Variants in PRKD2 observed in about 807,000 individuals in gnomAD.
PRKD2 encodes serine/threonine-protein kinase D2.
Under a neutral mutation model 86.0 loss-of-function variants are expected in PRKD2, and 22 were observed. The ratio of observed to expected loss-of-function variants is 0.26; its 90% CI spans 0.18 to 0.37. The LOEUF (loss-of-function observed/expected upper bound fraction) is 0.37. PRKD2 is among the 10% of genes least tolerant of loss of function. PRKD2 has a pLI of 1.00. For synonymous variants in PRKD2, 509 were observed against 510.9 expected (o/e 1.00, Z 0.05); for missense variants, 818 against 1,199.2 (o/e 0.68, Z 4.70).
intron 7 of PRKD2, among the ~76,000 whole-genome samples, chr19:46,699,678 T>G (rs1188652381): frequency 1.3e-5 from 2 of 152,196 alleles, no homozygotes; most frequent in African/African-American, 4.8e-5. Context: ...GTGCCTGATC[T>G]GAGCCAGTCC....
At chr19:46,684,982 C>T (rs1035470207) in intron 14 of PRKD2, among the ~76,000 whole-genome samples, 13 of 147,716 alleles carry the variant, frequency 8.8e-5, no homozygotes, top group East Asian at 4.0e-4. Context: ...AAACATTGGC[C>T]GGATATGGTG....
intron 15 of PRKD2, among the ~76,000 whole-genome samples, chr19:46,679,883 C>T (rs551108852): frequency 5.9e-5 from 9 of 152,294 alleles, no homozygotes; most frequent in African/African-American, 2.2e-4. Context: ...CCTCAGCCTC[C>T]CAAAGTGCTG....
intron 14 of PRKD2, among the ~76,000 whole-genome samples, chr19:46,683,654 G>A (rs2053349288): frequency 6.6e-6 from 1 of 151,998 alleles, no homozygotes; most frequent in Non-Finnish European, 1.5e-5. Flanking sequence ...AGAGGTGGAG[G>A]TTGCAGTGAG....
chr19:46,692,244 T>C (rs2053494179), intron 10 of PRKD2, among the ~76,000 whole-genome samples: 1 of 151,922 alleles, frequency 6.6e-6, no homozygotes, highest in Non-Finnish European at 1.5e-5. Flanking sequence ...AGGAGTGATG[T>C]TACAGATGAT....
At chr19:46,713,807 C>G (rs2053842848) in intron 2 of PRKD2, 56 bp downstream of exon 2, 3 of 1,260,172 alleles carry the variant, frequency 2.4e-6, no homozygotes, top group Non-Finnish European at 3.2e-6. Context: ...CTCTCCTCCC[C>G]CAGATGCCCC....
At position 46,716,416 on chromosome 19, in the gene PRKD2, GCCGGGGGGCC is replaced by G. The variant is rs1599847487; in HGVS notation, c.-56_-47del. 7.9e-7 allele frequency: 1 copy of G among 1,264,776 alleles called. No homozygotes were observed. The highest frequency in any genetic ancestry group is 1.0e-6 in the Non-Finnish European group (1 of 964,926). The allele number at this position is 1,264,776 out of a possible 1,614,324, so 78.3% of individuals were successfully genotyped here. On this transcript the variant is annotated 5_prime_UTR_variant, in exon 1 of 18. Coordinates refer to ENST00000291281, the MANE Select transcript of PRKD2 (RefSeq NM_016457.5). This position sits in a 1 kb window ranked among gnomAD's most constrained non-coding sequence, Gnocchi z 7.9. ...CCGCCTGGAGCCCACCCGGGACCCGGCCGGGGGGCCCCGGGGGACCCTGGGTTCTAGATCC... is the reference window on the plus strand; with the variant it reads ...CCGCCTGGAGCCCACCCGGGACCCGGCCGGGGGACCCTGGGTTCTAGATCC...
At chr19:46,695,251 C>CA (rs1361192967) in intron 9 of PRKD2, among the ~76,000 whole-genome samples, 1 of 152,088 alleles carries the variant, frequency 6.6e-6, no homozygotes, top group African/African-American at 2.4e-5. Context: ...CTTTGGGAGG[C>CA]CAAGGCAGGC....
rs139399000 is a variant in PRKD2, at chr19:46,701,184, C to G, written c.890-72G>C. On this transcript the variant is annotated intron_variant, in intron 5 of 17. Transcript: ENST00000291281. ...TTACCTGGAAGGCTTGAACCTTGACCCTAAGCCTCAGGCTCAAAAGAGTCT... is the reference window on the plus strand; with the variant it reads ...TTACCTGGAAGGCTTGAACCTTGACGCTAAGCCTCAGGCTCAAAAGAGTCT... 1.9e-3 allele frequency: 2,814 copies of G among 1,488,012 alleles called. 44 individuals are homozygous for G. In the African/African-American group the frequency reaches 0.034, roughly 18 times the overall value. 92.2% of individuals were successfully genotyped at this position (1,488,012 alleles called of 1,614,324 possible). A position where few individuals can be genotyped will look rare whatever the true frequency, so the allele number is the denominator to read the frequency against.
chr19:46,703,027 A>G (rs1280389561), intron 5 of PRKD2, among the ~76,000 whole-genome samples: 5 of 152,152 alleles, frequency 3.3e-5, no homozygotes. Flanking sequence ...CTGGGAGTCT[A>G]GAATTTCCAG....
rs919727611 is a variant in PRKD2 at position 46,688,244 on chromosome 19, C to A, written c.1971+1293G>T. Among the ~76,000 whole-genome samples the A allele has an allele frequency of 1.1e-4, 17 of 151,766 alleles. No homozygotes were observed. The East Asian group carries it at 3.3e-3, about 30-fold the overall frequency. On this transcript the variant is annotated intron_variant, in intron 14 of 17. Coordinates refer to ENST00000291281, the MANE Select transcript of PRKD2 (RefSeq NM_016457.5). ...GCTCAAACTCCTGGGCTTAAGCAAT[C>A]CTCTGGCCTTAGCTTCCTGAGTAGC...
At chr19:46,689,506 G>A in intron 14 of PRKD2, 31 bp downstream of exon 14, 4 of 1,567,432 alleles carry the variant, frequency 2.6e-6, no homozygotes, top group Non-Finnish European at 3.5e-6. Flanking sequence ...TGATGGGGAG[G>A]GGCGGGTGGC....
At chr19:46,674,926 A>C (rs1454036504) in intron 17 of PRKD2, 107 bp downstream of exon 17, 2 of 1,264,412 alleles carry the variant, frequency 1.6e-6, no homozygotes, top group African/African-American at 3.0e-5. Context: ...GCCACATTCC[A>C]GACCCAAGGA....
chr19:46,689,748 C>T, intron 13 of PRKD2, 50 bp from the exon 14 acceptor site: 5 of 1,604,802 alleles, frequency 3.1e-6, no homozygotes, highest in Non-Finnish European at 4.3e-6. Context: ...CAAACTCAGA[C>T]CCCAACGGGT....
At chr19:46,674,987 C>A in intron 17 of PRKD2, 46 bp downstream of exon 17, 1 of 1,521,240 alleles carries the variant, frequency 6.6e-7, no homozygotes, top group African/African-American at 1.4e-5. Flanking sequence ...TACTCCCACC[C>A]CTTCCTCCAA....
chr19:46,708,971 G>GTTTTTTTTTTTTTT (rs796086305), intron 3 of PRKD2, among the ~76,000 whole-genome samples: 3 of 80,296 alleles, frequency 3.7e-5, no homozygotes, highest in African/African-American at 1.5e-4. Context: ...GTTTGTTTGT[G>GTTTTTTTTTTTTTT]GTTTTTTTTT....
At chr19:46,697,284 G>T (rs926923209) in intron 8 of PRKD2, 50 bp from the exon 9 acceptor site, 1 of 1,407,628 alleles carries the variant, frequency 7.1e-7, no homozygotes, top group Non-Finnish European at 9.9e-7. Flanking sequence ...TTCCTGCCCA[G>T]TCCCTATCCC....
chr19:46,715,791 A>G (rs2053873444), intron 1 of PRKD2, among the ~76,000 whole-genome samples: 1 of 151,864 alleles, frequency 6.6e-6, no homozygotes. Context: ...GAGGCCCGGG[A>G]TGGGCCTGGA....
Position 46,680,924 on chromosome 19 carries a change from C to CTATATATATATATATATATATATA in PRKD2, c.2070+725_2070+726insTATATATATATATATATATATATA, listed in dbSNP as rs1159306440. Among the ~76,000 whole-genome samples, 59 of 72,416 alleles carry CTATATATATATATATATATATATA rather than the reference C, an allele frequency of 8.1e-4. 5 individuals are homozygous for CTATATATATATATATATATATATA. The highest frequency in any genetic ancestry group is 2.8e-3 in the East Asian group (9 of 3,180). The allele number at this position is 72,416 out of a possible 152,430, so 47.5% of individuals were successfully genotyped here. A position where few individuals can be genotyped will look rare whatever the true frequency, so the allele number is the denominator to read the frequency against. On this transcript the variant is annotated intron_variant, in intron 15 of 17. Coordinates refer to ENST00000291281, the MANE Select transcript of PRKD2 (RefSeq NM_016457.5). ...ATAAAGTGCTATATGTTGGGATAAA[C>CTATATATATATATATATATATATA]TATATATATATATATATATATATTT...
chr19:46,675,236 G>T, intron 16 of PRKD2, 118 bp from the exon 17 acceptor site: 1 of 827,224 alleles, frequency 1.2e-6, no homozygotes, highest in Non-Finnish European at 2.0e-6. Context: ...CAGCTCAGGT[G>T]GCTCAGAAGC....
Sources: allele counts gnomAD v4.1 joint callset (sites outside exome capture counted in the v4.1 genomes callset), GRCh38; gene constraint gnomAD v4.1.1; non-coding constraint Gnocchi (gnomAD v3.1); transcripts MANE v1.5; gene names NCBI Gene and HGNC (gene_info 2026-07-23, HGNC 2026-07-21).